The following ERICH3 variants were observed in gnomAD, a reference collection of about 807,000 sequenced individuals.
ERICH3 encodes the protein glutamate rich 3.
Under a neutral mutation model 131.1 loss-of-function variants are expected in ERICH3, and 126 were observed. That is an observed-to-expected ratio of 0.96 (90% CI 0.83 to 1.11). The LOEUF (loss-of-function observed/expected upper bound fraction) is 1.11, where lower values mean the gene tolerates loss of function less well. Among genes scored for constraint, ERICH3 ranks in the 50% most tolerant of loss-of-function variants. ERICH3 has a pLI of 0.00. For synonymous variants in ERICH3, 695 were observed against 644.6 expected, an observed-to-expected ratio of 1.08 and a Z score of -1.18; for missense variants, 2,050 against 1,810.7, an observed-to-expected ratio of 1.13 and a Z score of -2.40.
Position 74,589,634 on chromosome 1 carries a change from C to G in ERICH3, c.2173G>C (p.Gly725Arg). Residue 725 changes from glycine to arginine, a missense_variant, in exon 12 of 15, where the codon GGT (glycine) becomes CGT (arginine). Physicochemically the swap from Gly to Arg is moderately radical, Grantham distance 125. Coordinates refer to ENST00000326665, the MANE Select transcript of ERICH3 (RefSeq NM_001002912.5). ...KKAGLPGLEEGGKDSLPLAYV... is the reference protein window; with the variant it reads ...KKAGLPGLEERGKDSLPLAYV... ...TCAACTCAACGGCCATACTTACCAC[C>G]TTCCTCCAACCCAGGGAGACCTGCC... 6.2e-7 allele frequency: 1 copy of G among 1,613,378 alleles called. No homozygotes were observed.
At chr1:74,595,023 T>C (rs888676463) in intron 11 of ERICH3, among the ~76,000 whole-genome samples, 6 of 152,116 alleles carry the variant, frequency 3.9e-5, no homozygotes, top group African/African-American at 1.4e-4. Context: ...AATATGCTTT[T>C]CAATTCTAAT....
chr1:74,611,473 A>G (rs1332928019), intron 9 of ERICH3, among the ~76,000 whole-genome samples: 1 of 152,066 alleles, frequency 6.6e-6, no homozygotes, highest in East Asian at 1.9e-4. Flanking sequence ...TATTTTTCCC[A>G]TAAGAGTTAC....
intron 1 of ERICH3, among the ~76,000 whole-genome samples, chr1:74,653,552 G>A (rs1008132782): frequency 1.3e-5 from 2 of 152,072 alleles, no homozygotes; most frequent in Admixed American, 6.6e-5. Flanking sequence ...GGGAAGGAGT[G>A]TAATATCCAT....
chr1:74,633,894 T>C (rs1404960050), intron 6 of ERICH3, among the ~76,000 whole-genome samples: 4 of 152,058 alleles, frequency 2.6e-5, no homozygotes, highest in Non-Finnish European at 1.5e-5. Context: ...AAACTCTCAT[T>C]CTAACATCAT....
rs564940779 is a variant in ERICH3 at position 74,631,282 on chromosome 1, C to T, written c.819+431G>A. On this transcript the variant is annotated intron_variant, in intron 7 of 14. Transcript: ENST00000326665. The stretch of plus-strand genomic sequence containing the variant: ...CAAACTGTAATCTCTTAAAAAATTA[C>T]TGAAATAATTTATCTATGTATGATA... 3.3e-5 allele frequency among the ~76,000 whole-genome samples: 5 copies of T among 152,186 alleles called. No homozygotes were observed. The East Asian group carries it at 9.7e-4, about 29-fold the overall frequency.
Position 74,606,622 on chromosome 1 carries a change from G to T in ERICH3, c.1468C>A (p.Gln490Lys). ...TTACCATATTTTAAAGTATTTTCCTGGTCGTCTTCCAAGACTTCTTGTCCT... is the reference window on the plus strand; with the variant it reads ...TTACCATATTTTAAAGTATTTTCCTTGTCGTCTTCCAAGACTTCTTGTCCT... ...KPGQEVLEDD[Q>K]ENTLKYEYEE... The change falls in exon 10 of 15, where the codon CAG becomes AAG. Residue 490 changes from glutamine to lysine, a missense_variant. Physicochemically the swap from Gln to Lys is moderately conservative, Grantham distance 53. Transcript: ENST00000326665. The T allele has an allele frequency of 1.9e-6, 3 of 1,607,764 alleles. No individual in the cohort carries two copies. Among genetic ancestry groups the T allele is most frequent in the Non-Finnish European group, 2.5e-6 (3 of 1,177,218 alleles).
chr1:74,614,321 A>AT (rs946115935), intron 8 of ERICH3, among the ~76,000 whole-genome samples: 1 of 137,724 alleles, frequency 7.3e-6, no homozygotes, highest in Non-Finnish European at 1.5e-5. Context: ...ATTTTAATCT[A>AT]TTTTTTCAGT....
At chr1:74,613,412 G>A (rs1396973855) in intron 8 of ERICH3, among the ~76,000 whole-genome samples, 2 of 152,156 alleles carry the variant, frequency 1.3e-5, no homozygotes, top group Non-Finnish European at 2.9e-5. Flanking sequence ...ATCATACAGT[G>A]AGTTGGGGAG....
chr1:74,598,059 T>A (rs1329493545), intron 11 of ERICH3, among the ~76,000 whole-genome samples: 1 of 151,916 alleles, frequency 6.6e-6, no homozygotes, highest in Non-Finnish European at 1.5e-5. Context: ...AGGACTTTTT[T>A]ATTTCTCTTT....
intron 12 of ERICH3, chr1:74,579,704 T>C (rs1013186399): frequency 3.0e-6 from 3 of 985,370 alleles, no homozygotes; most frequent in Non-Finnish European, 3.6e-6. Context: ...CCACCCATAG[T>C]AAAAGAGGAC....
Position 74,573,220 on chromosome 1 carries a change from C to A in ERICH3, c.2490G>T (p.Glu830Asp), listed in dbSNP as rs555839913. The change falls in exon 14 of 15, where the codon GAG (glutamate) becomes GAT (aspartate). Residue 830 changes from glutamate (E) to aspartate (D), a missense_variant. Coordinates refer to ENST00000326665, the MANE Select transcript of ERICH3 (RefSeq NM_001002912.5). ...ELAEEFTEKREIPPGIERGAE... is the reference protein window; with the variant it reads ...ELAEEFTEKRDIPPGIERGAE... The stretch of plus-strand genomic sequence containing the variant: ...CCCCCCTTTCTATGCCTGGAGGGAT[C>A]TCCCTTTTTTCTGTAAACTCTTCTG... 2.0e-4 allele frequency: 321 copies of A among 1,612,088 alleles called. 3 individuals are homozygous for A. The South Asian group carries it at 2.5e-3, about 12-fold the overall frequency.
intron 1 of ERICH3, among the ~76,000 whole-genome samples, chr1:74,663,947 G>A (rs377671607): frequency 6.6e-6 from 1 of 152,192 alleles, no homozygotes; most frequent in South Asian, 2.1e-4. Flanking sequence ...TTGGGGCATA[G>A]TCCTGGGATA....
intron 6 of ERICH3, chr1:74,634,767 T>A: frequency 1.5e-6 from 1 of 671,688 alleles, no homozygotes; most frequent in South Asian, 1.7e-5. Flanking sequence ...AAGTTACTGC[T>A]GGAGGATACA....
intron 12 of ERICH3, among the ~76,000 whole-genome samples, chr1:74,581,690 C>G (rs1647185854): frequency 6.6e-6 from 1 of 152,130 alleles, no homozygotes; most frequent in African/African-American, 2.4e-5. Context: ...AACCAACCTT[C>G]TAAATTATAT....
At chr1:74,602,074 G>T (rs1248808515) in intron 10 of ERICH3, among the ~76,000 whole-genome samples, 1 of 151,900 alleles carries the variant, frequency 6.6e-6, no homozygotes, top group African/African-American at 2.4e-5. Flanking sequence ...ACACACTTTA[G>T]TGGAGGCACC....
At chr1:74,652,106 A>T (rs1316955264) in intron 1 of ERICH3, among the ~76,000 whole-genome samples, 3 of 152,204 alleles carry the variant, frequency 2.0e-5, no homozygotes, top group African/African-American at 7.2e-5. Flanking sequence ...CTAGCTTGGT[A>T]GGACAGCTGA....
intron 7 of ERICH3, chr1:74,622,400 A>G (rs541086455): frequency 1.3e-5 from 2 of 152,356 alleles, no homozygotes; most frequent in East Asian, 3.9e-4. Context: ...GATTAGAAAC[A>G]TCTCCCTGAA....
At chr1:74,584,420 G>A (rs1424906502) in intron 12 of ERICH3, among the ~76,000 whole-genome samples, 2 of 152,052 alleles carry the variant, frequency 1.3e-5, no homozygotes, top group East Asian at 3.9e-4. Context: ...TACTCTACTT[G>A]TTTACTAGAC....
At chr1:74,621,502 T>G (rs1462556901) in intron 7 of ERICH3, 1 of 152,156 alleles carries the variant, frequency 6.6e-6, no homozygotes, top group African/African-American at 2.4e-5. Flanking sequence ...CATCAATAAT[T>G]TGGGCTTGGG....
Sources: gnomAD v4.1 joint callset for allele counts (sites outside exome capture counted in the v4.1 genomes callset) on GRCh38, gnomAD v4.1.1 for gene constraint, MANE v1.5 for transcripts, NCBI Gene and HGNC (gene_info 2026-07-23, HGNC 2026-07-21) for gene names.